LRRTM3: variants seen among roughly 807,000 people sequenced by gnomAD.
LRRTM3 encodes the protein leucine rich repeat transmembrane neuronal 3, also known as leucine-rich repeat transmembrane neuronal protein 3.
LRRTM3 carries 24 observed loss-of-function variants against 44.7 expected under a neutral mutation model. The ratio of observed to expected loss-of-function variants is 0.54; its 90% CI spans 0.39 to 0.76. The LOEUF (loss-of-function observed/expected upper bound fraction) is 0.76, where lower values mean the gene tolerates loss of function less well. Ranked by LOEUF, LRRTM3 falls within the 30% of genes least tolerant of loss-of-function variation. The pLI is 0.00. For missense variants in LRRTM3, 587 were observed against 702.2 expected (o/e 0.84, Z 1.85); for synonymous variants, 277 against 278.7 (o/e 0.99, Z 0.06).
At chr10:67,017,537 G>C (rs1852730843) in intron 2 of LRRTM3, among the ~76,000 whole-genome samples, 1 of 152,094 alleles carries the variant, frequency 6.6e-6, no homozygotes, top group Non-Finnish European at 1.5e-5. Flanking sequence ...CATCCTCTAT[G>C]GTTCGGCCTT....
intron 2 of LRRTM3, among the ~76,000 whole-genome samples, chr10:66,948,128 C>G (rs1362580203): frequency 6.6e-6 from 1 of 152,104 alleles, no homozygotes; most frequent in Non-Finnish European, 1.5e-5. Flanking sequence ...TATATGTAGT[C>G]CCTCATTGGC....
chr10:66,945,237 C>T (rs1848217205), intron 2 of LRRTM3, among the ~76,000 whole-genome samples: 1 of 152,200 alleles, frequency 6.6e-6, no homozygotes, highest in East Asian at 1.9e-4. Context: ...GTGTAACCAC[C>T]TTCATCAATT....
At chr10:66,938,821 A>G (rs1246852528) in intron 2 of LRRTM3, among the ~76,000 whole-genome samples, 3 of 152,234 alleles carry the variant, frequency 2.0e-5, no homozygotes, top group Non-Finnish European at 4.4e-5. Context: ...GCTACAAAAA[A>G]TTGAGACAAA....
In LRRTM3 at chr10:66,927,131, G is replaced by C; in HGVS notation, c.215G>C (p.Ser72Thr). 6.2e-7 allele frequency: 1 copy of C among 1,614,160 alleles called. No individual in the cohort carries two copies. The highest frequency in any genetic ancestry group is 8.5e-7 in the Non-Finnish European group (1 of 1,180,038). The change falls in exon 2 of 3, where the codon AGC becomes ACC. Residue 72 changes from serine (S) to threonine (T), a missense_variant. By Grantham distance (58) the Ser-to-Thr change is moderately conservative. This residue lies in a region of LRRTM3 where 222 missense variants were observed against 323.3 expected (regional missense o/e 0.69). Coordinates refer to ENST00000361320, the MANE Select transcript of LRRTM3 (RefSeq NM_178011.5). This position sits in a 1 kb window ranked among gnomAD's most constrained non-coding sequence, Gnocchi z 4.7. ...GCLGLSLRYN[S>T]LQKLKYNQFK... ...TTAGGTTTGTCCCTTCGCTATAACA[G>C]CCTTCAAAAACTTAAGTATAATCAA...
At chr10:66,930,678 G>T (rs868266907) in intron 2 of LRRTM3, among the ~76,000 whole-genome samples, 2 of 152,080 alleles carry the variant, frequency 1.3e-5, no homozygotes, top group African/African-American at 2.4e-5. Flanking sequence ...AAATATGCTT[G>T]CTGTATTGAA....
rs373433564 is a variant in LRRTM3 at position 66,955,142 on chromosome 10, C to T, written c.1536+26690C>T. ...AAAGTCAGAAACTTTTCCTAGGTGC[C>T]TTTGGTATTTTCTAATCTTACTCTG... On this transcript the variant is annotated intron_variant, in intron 2 of 2. Transcript: ENST00000361320. 1.2e-4 allele frequency among the ~76,000 whole-genome samples: 19 copies of T among 152,162 alleles called. No individual in the cohort carries two copies. In the South Asian group the frequency reaches 1.5e-3, roughly 12 times the overall value.
intron 2 of LRRTM3, among the ~76,000 whole-genome samples, chr10:66,983,545 C>T (rs2132893153): frequency 6.6e-6 from 1 of 152,252 alleles, no homozygotes; most frequent in South Asian, 2.1e-4. Context: ...TCTTCCCAAC[C>T]ATGGTAACAT....
chr10:66,927,856 T>C lies in LRRTM3; in HGVS notation c.940T>C (p.Trp314Arg). The part of the protein sequence containing the change: ...LNDISLAGNI[W>R]ECSRNICSLV... ...TGACATCAGTCTTGCTGGGAATATATGGGAATGCAGCAGAAATATTTGCTC... is the reference window on the plus strand; with the variant it reads ...TGACATCAGTCTTGCTGGGAATATACGGGAATGCAGCAGAAATATTTGCTC... The change falls in exon 2 of 3, where the codon TGG becomes CGG. Residue 314 changes from tryptophan (W) to arginine (R), a missense_variant. Trp to Arg is a moderately radical substitution (Grantham distance 101). Coordinates refer to ENST00000361320, the MANE Select transcript of LRRTM3 (RefSeq NM_178011.5). The surrounding 1 kb of genome is among the most constrained non-coding windows in gnomAD (Gnocchi z 4.7). 6.2e-7 allele frequency: 1 copy of C among 1,614,250 alleles called. No individual in the cohort carries two copies. The highest frequency in any genetic ancestry group is 1.1e-5 in the South Asian group (1 of 91,086).
At chr10:67,068,467 A>G (rs1856228492) in intron 2 of LRRTM3, among the ~76,000 whole-genome samples, 1 of 152,216 alleles carries the variant, frequency 6.6e-6, no homozygotes, top group African/African-American at 2.4e-5. Context: ...CTGAGTTTAG[A>G]GACACAGATT....
At chr10:67,042,504 T>C (rs1365713002) in intron 2 of LRRTM3, among the ~76,000 whole-genome samples, 1 of 151,976 alleles carries the variant, frequency 6.6e-6, no homozygotes, top group Non-Finnish European at 1.5e-5. Context: ...TTTGGAGTCA[T>C]ATATGTATAA....
rs1254463976 is a variant in LRRTM3 at position 66,927,330 on chromosome 10, G to A, written c.414G>A (p.Leu138=). Residue 138 remains leucine (L), a synonymous_variant, in exon 2 of 3, where the codon TTG becomes TTA. Transcript: ENST00000361320. This position sits in a 1 kb window ranked among gnomAD's most constrained non-coding sequence, Gnocchi z 4.7. ...GACCTGTGACAAATTTACGGAACTT[G>A]GATCTGTCCTATAATCAGCTGCATT... ...TFRPVTNLRN[L]DLSYNQLHSL... 1 of 1,613,976 alleles carries A rather than the reference G, an allele frequency of 6.2e-7. No individual in the cohort carries two copies. Among genetic ancestry groups the A allele is most frequent in the Non-Finnish European group, 8.5e-7 (1 of 1,180,034 alleles).
chr10:66,986,875 A>G (rs1850756528), intron 2 of LRRTM3, among the ~76,000 whole-genome samples: 1 of 152,132 alleles, frequency 6.6e-6, no homozygotes, highest in African/African-American at 2.4e-5. Flanking sequence ...TACACTAGAC[A>G]CTGTGAATAC....
chr10:67,092,431 C>T (rs1038076178), intron 2 of LRRTM3, among the ~76,000 whole-genome samples: 1 of 151,888 alleles, frequency 6.6e-6, no homozygotes, highest in African/African-American at 2.4e-5. Flanking sequence ...CTGTCATTTT[C>T]TGTTCTTCAG....
chr10:66,926,680 A>G, intron 1 of LRRTM3, 93 bp downstream of exon 1: 2 of 1,415,340 alleles, frequency 1.4e-6, no homozygotes, highest in Non-Finnish European at 9.9e-7. Context: ...TATTTTAGAG[A>G]TTACCTTGCT....
chr10:67,087,785 A>G (rs1275636290), intron 2 of LRRTM3, among the ~76,000 whole-genome samples: 3 of 151,884 alleles, frequency 2.0e-5, no homozygotes, highest in African/African-American at 4.8e-5. Flanking sequence ...TCACCGGGGG[A>G]TGGAGGTTTG....
intron 2 of LRRTM3, among the ~76,000 whole-genome samples, chr10:67,034,891 T>A (rs546591956): frequency 6.6e-6 from 1 of 152,338 alleles, no homozygotes; most frequent in Admixed American, 6.5e-5. Flanking sequence ...TACCATTTGA[T>A]CATGTTGACA....
intron 2 of LRRTM3, among the ~76,000 whole-genome samples, chr10:67,034,139 A>G (rs950653025): frequency 6.6e-6 from 1 of 152,128 alleles, no homozygotes; most frequent in Non-Finnish European, 1.5e-5. Context: ...CAGTGCTTTT[A>G]ATTACCTAAC....
At chr10:67,093,668 CT>C (rs1389469428) in intron 2 of LRRTM3, among the ~76,000 whole-genome samples, 7 of 151,810 alleles carry the variant, frequency 4.6e-5, no homozygotes, top group African/African-American at 1.5e-4. Context: ...AAAACTGAAA[CT>C]CCCCCCCAAC....
rs759400487 is a variant in LRRTM3, at chr10:66,928,394, T to C, written c.1478T>C (p.Met493Thr). 1.7e-5 allele frequency: 28 copies of C among 1,613,996 alleles called. No homozygotes were observed. The East Asian group carries it at 6.2e-4, about 36-fold the overall frequency. ...YKPTNTETSE[M>T]LLNGTGPCTY... ...CCCACCAACACGGAGACCAGCGAGATGCTGCTGAATGGGACGGGACCCTGC... is the reference window on the plus strand; with the variant it reads ...CCCACCAACACGGAGACCAGCGAGACGCTGCTGAATGGGACGGGACCCTGC... The change falls in exon 2 of 3, where the codon ATG (methionine) becomes ACG (threonine). Residue 493 changes from methionine (M) to threonine (T), a missense_variant. Coordinates refer to ENST00000361320, the MANE Select transcript of LRRTM3 (RefSeq NM_178011.5).
Sources: gnomAD v4.1 joint callset for allele counts (sites outside exome capture counted in the v4.1 genomes callset) on GRCh38, gnomAD v4.1.1 for gene constraint, gnomAD v4.1.1 regional missense constraint, Gnocchi (gnomAD v3.1) non-coding constraint, MANE v1.5 for transcripts, NCBI Gene and HGNC (gene_info 2026-07-23, HGNC 2026-07-21) for gene names.